Variants in SHANK2 observed in about 807,000 individuals in gnomAD.
The protein encoded by SHANK2 is SH3 and multiple ankyrin repeat domains protein 2.
In SHANK2, 43 loss-of-function variants were observed where a neutral mutation model predicts 133.7. That is an observed-to-expected ratio of 0.32 (90% CI 0.25 to 0.41). The LOEUF (loss-of-function observed/expected upper bound fraction) is 0.41. Ranked by LOEUF, SHANK2 falls within the 10% of genes least tolerant of loss-of-function variation. The probability of loss-of-function intolerance (pLI) is 1.00; values close to 1 mark genes in which losing one functional copy is unlikely to be tolerated. For missense variants in SHANK2, 1,994 were observed against 2,235.8 expected (o/e 0.89, Z 2.18); for synonymous variants, 1,017 against 952.8 (o/e 1.07, Z -1.24).
chr11:70,794,539 G>T (rs1947867967), intron 14 of SHANK2, among the ~76,000 whole-genome samples: 2 of 152,158 alleles, frequency 1.3e-5, no homozygotes, highest in African/African-American at 4.8e-5. Context: ...TGGGGTGAAA[G>T]AAAGGTGTTT....
intron 14 of SHANK2, among the ~76,000 whole-genome samples, chr11:70,767,172 A>G (rs1947139814): frequency 6.6e-6 from 1 of 152,220 alleles, no homozygotes; most frequent in African/African-American, 2.4e-5. Flanking sequence ...AGCAGCTGGG[A>G]GAGCCTCACC....
intron 14 of SHANK2, among the ~76,000 whole-genome samples, chr11:70,755,560 C>T (rs1258477953): frequency 7.9e-5 from 12 of 152,238 alleles, no homozygotes; most frequent in African/African-American, 2.7e-4. Context: ...GCCCCGGCCC[C>T]GGCCTGCAGT....
intron 14 of SHANK2, among the ~76,000 whole-genome samples, chr11:70,796,272 T>C (rs1947910313): frequency 6.6e-6 from 1 of 152,090 alleles, no homozygotes; most frequent in South Asian, 2.1e-4. Flanking sequence ...CTGCCCTGCT[T>C]CCTCCTGCAC....
chr11:70,722,133 A>G (rs1347912662), intron 14 of SHANK2, among the ~76,000 whole-genome samples: 1 of 152,172 alleles, frequency 6.6e-6, no homozygotes, highest in Non-Finnish European at 1.5e-5. Flanking sequence ...CACTGCTGGG[A>G]TGTGTGCTGT....
intron 3 of SHANK2, among the ~76,000 whole-genome samples, chr11:71,125,806 A>G (rs1186274825): frequency 3.3e-5 from 5 of 152,238 alleles, no homozygotes; most frequent in Non-Finnish European, 5.9e-5. Context: ...AGAAGTCAAC[A>G]TCTGGCTTAA....
At chr11:70,740,995 TTTGTG>T (rs1464421264) in intron 14 of SHANK2, among the ~76,000 whole-genome samples, 1 of 152,202 alleles carries the variant, frequency 6.6e-6, no homozygotes, top group African/African-American at 2.4e-5. Flanking sequence ...GATGAGGTTA[TTTGTG>T]TTATCTCTTG....
At chr11:70,886,716 CACACA>C (rs782800031) in intron 11 of SHANK2, among the ~76,000 whole-genome samples, 2 of 151,328 alleles carry the variant, frequency 1.3e-5, no homozygotes, top group East Asian at 1.9e-4. Flanking sequence ...CACACACACA[CACACA>C]CCCCTAACAT....
At position 70,739,870 on chromosome 11, in the gene SHANK2, C is replaced by T. The variant is rs572057092; in HGVS notation, c.1778-41107G>A. ...GGGAGGCACCCACAGAGGACGGCCA[C>T]GTGAAGACAGGCCAGAGCCGCCGCA... is the stretch of plus-strand genomic sequence containing the variant. On this transcript the variant is annotated intron_variant, in intron 14 of 25. Coordinates refer to ENST00000601538, the MANE Select transcript of SHANK2 (RefSeq NM_012309.5). This position sits in a 1 kb window ranked among gnomAD's most constrained non-coding sequence, Gnocchi z 4.3. Among the ~76,000 whole-genome samples the T allele has an allele frequency of 1.3e-5, 2 of 152,204 alleles. No homozygotes were observed. Among genetic ancestry groups the T allele is most frequent in the Non-Finnish European group, 2.9e-5 (2 of 68,032 alleles).
intron 2 of SHANK2, among the ~76,000 whole-genome samples, chr11:71,163,093 A>AAAAAATAT: frequency 1.2e-5 from 1 of 84,678 alleles, no homozygotes; most frequent in African/African-American, 4.6e-5. Flanking sequence ...AAAAAAAAAA[A>AAAAAATAT]ATACATATAT....
At chr11:71,155,881 C>T (rs1255359561) in intron 2 of SHANK2, among the ~76,000 whole-genome samples, 5 of 152,182 alleles carry the variant, frequency 3.3e-5, no homozygotes, top group African/African-American at 7.2e-5. Context: ...TCCGAATCCC[C>T]GGGGCCTGGA....
rs139666114 is a variant in SHANK2, at chr11:70,576,790, C to T, written c.2062-73859G>A. 3.5e-3 allele frequency among the ~76,000 whole-genome samples: 529 copies of T among 152,318 alleles called. 4 individuals carry two copies. The highest frequency in any genetic ancestry group is 0.012 in the African/African-American group (502 of 41,566). ...TGCTGTGAGGCAACGAAAGCCCCTGCAAACAGGTTTCATCATACCCTTATC... is the reference window on the plus strand; with the variant it reads ...TGCTGTGAGGCAACGAAAGCCCCTGTAAACAGGTTTCATCATACCCTTATC... On this transcript the variant is annotated intron_variant, in intron 17 of 25. Transcript: ENST00000601538.
chr11:70,869,202 T>C (rs1949419389), intron 11 of SHANK2, among the ~76,000 whole-genome samples: 1 of 152,180 alleles, frequency 6.6e-6, no homozygotes, highest in South Asian at 2.1e-4. Flanking sequence ...GATCTCAGCC[T>C]TCCAGCCTCC....
chr11:70,756,957 C>T (rs1327664272), intron 14 of SHANK2, among the ~76,000 whole-genome samples: 1 of 152,202 alleles, frequency 6.6e-6, no homozygotes, highest in Non-Finnish European at 1.5e-5. Context: ...CACTCCACTT[C>T]CCCAGGTCCT....
intron 11 of SHANK2, among the ~76,000 whole-genome samples, chr11:70,873,424 G>C (rs1387039713): frequency 1.3e-5 from 2 of 152,332 alleles, no homozygotes; most frequent in African/African-American, 2.4e-5. Context: ...CAGCAGAGGG[G>C]AGGCAGGCAG....
chr11:71,074,970 A>G (rs1390266546), intron 9 of SHANK2, among the ~76,000 whole-genome samples, 189 bp downstream of exon 9: 1 of 151,854 alleles, frequency 6.6e-6, no homozygotes, highest in Non-Finnish European at 1.5e-5. Context: ...TAGTAGAGAC[A>G]GGGTTTCACC....
At chr11:70,839,841 A>G (rs2135425988) in intron 11 of SHANK2, among the ~76,000 whole-genome samples, 1 of 152,334 alleles carries the variant, frequency 6.6e-6, no homozygotes, top group Admixed American at 6.5e-5. Flanking sequence ...TTGGGAACTA[A>G]TTAAGGCTCA....
At chr11:71,249,698 G>A (rs1017354154) in intron 1 of SHANK2, among the ~76,000 whole-genome samples, 7 of 152,208 alleles carry the variant, frequency 4.6e-5, no homozygotes, top group African/African-American at 1.7e-4. Flanking sequence ...GGGGATCCCA[G>A]AACTCTCTCG....
chr11:71,222,300 C>G (rs1954561736), intron 2 of SHANK2, among the ~76,000 whole-genome samples: 1 of 152,208 alleles, frequency 6.6e-6, no homozygotes, highest in Admixed American at 6.5e-5. Flanking sequence ...GTTGCCCAGA[C>G]AAGTTTTTCC....
In SHANK2 at chr11:70,807,123, C is replaced by A. The variant is rs1555052109; in HGVS notation, c.1542G>T (p.Glu514Asp). 1 of 717,950 alleles carries A rather than the reference C, an allele frequency of 1.4e-6. No individual in the cohort carries two copies. Among genetic ancestry groups the A allele is most frequent in the African/African-American group, 1.7e-5 (1 of 57,252 alleles). The allele number at this position is 717,950 out of a possible 1,614,324, so 44.5% of individuals were successfully genotyped here. ...AGAGCTTCCGCTTGGGCCCCGGGTA[C>A]TCGAAGGCCGAGAGTGAGTCCTTGT... ...GANKDSLSAF[E>D]YPGPKRKLYS... is the part of the protein sequence containing the mutation. Residue 514 changes from glutamate to aspartate, a missense_variant, in exon 13 of 26, where the codon GAG becomes GAT. By Grantham distance (45) the Glu-to-Asp change is conservative. Coordinates refer to ENST00000601538, the MANE Select transcript of SHANK2 (RefSeq NM_012309.5). The surrounding 1 kb of genome is among the most constrained non-coding windows in gnomAD (Gnocchi z 4.8).
Sources: allele counts gnomAD v4.1 joint callset (sites outside exome capture counted in the v4.1 genomes callset), GRCh38; gene constraint gnomAD v4.1.1; non-coding constraint Gnocchi (gnomAD v3.1); transcripts MANE v1.5; gene names NCBI Gene and HGNC (gene_info 2026-07-23, HGNC 2026-07-21).